Variants in HIRA observed in about 807,000 individuals in gnomAD.
HIRA encodes the protein histone cell cycle regulator, also known as protein HIRA.
HIRA carries 13 observed loss-of-function variants against 126.6 expected under a neutral mutation model. The ratio of observed to expected loss-of-function variants is 0.10; its 90% CI spans 0.07 to 0.16. The LOEUF (loss-of-function observed/expected upper bound fraction) is 0.16. Among genes scored for constraint, HIRA ranks in the 10% least tolerant of loss-of-function variants. The pLI is 1.00. For synonymous variants in HIRA, 511 were observed against 520.0 expected (o/e 0.98, Z 0.24); for missense variants, 834 against 1,314.4 (o/e 0.63, Z 5.65).
chr22:19,332,362 G>A (rs1215105577), intron 24 of HIRA, among the ~76,000 whole-genome samples: 4 of 152,226 alleles, frequency 2.6e-5, no homozygotes, highest in African/African-American at 4.8e-5. Context: ...ATAAGCAGGA[G>A]AATGGCTGCT....
At chr22:19,407,694 C>T (rs1462990714) in intron 3 of HIRA, among the ~76,000 whole-genome samples, 4 of 152,196 alleles carry the variant, frequency 2.6e-5, no homozygotes, top group Non-Finnish European at 5.9e-5. Context: ...TTCAGATGAA[C>T]AGTCTGTTAC....
At chr22:19,352,978 G>T (rs1459445789) in intron 23 of HIRA, among the ~76,000 whole-genome samples, 1 of 152,260 alleles carries the variant, frequency 6.6e-6, no homozygotes, top group Non-Finnish European at 1.5e-5. Context: ...GGGCAGGAAG[G>T]GCTGGGAGGA....
chr22:19,415,000 C>T (rs2089384332), intron 1 of HIRA, among the ~76,000 whole-genome samples: 1 of 152,084 alleles, frequency 6.6e-6, no homozygotes, highest in South Asian at 2.1e-4. Flanking sequence ...GGCTGGAGTG[C>T]AGTAACGCAA....
chr22:19,350,108 C>G (rs1304227452), intron 24 of HIRA, among the ~76,000 whole-genome samples: 6 of 151,994 alleles, frequency 3.9e-5, no homozygotes, highest in Non-Finnish European at 7.4e-5. Flanking sequence ...CATGAAATAG[C>G]AGCCTGCCAG....
intron 9 of HIRA, among the ~76,000 whole-genome samples, chr22:19,390,075 G>C (rs918642401): frequency 6.6e-6 from 1 of 151,924 alleles, no homozygotes; most frequent in East Asian, 1.9e-4. Context: ...TCAGCACCAA[G>C]ACTGCTCCCT....
intron 15 of HIRA, among the ~76,000 whole-genome samples, chr22:19,372,768 C>T (rs368955984): frequency 4.4e-4 from 67 of 152,096 alleles, no homozygotes; most frequent in African/African-American, 1.4e-3. Flanking sequence ...GATGGGGTTT[C>T]GCCATGTTGG....
At chr22:19,392,929 C>A (rs1219741649) in intron 8 of HIRA, among the ~76,000 whole-genome samples, 3 of 152,166 alleles carry the variant, frequency 2.0e-5, no homozygotes, top group African/African-American at 7.2e-5. Context: ...GAATCCCCAA[C>A]CTAGGACAAC....
At chr22:19,347,984 A>G (rs2088706663) in intron 24 of HIRA, among the ~76,000 whole-genome samples, 1 of 152,172 alleles carries the variant, frequency 6.6e-6, no homozygotes, top group Non-Finnish European at 1.5e-5. Context: ...GCCTAGGGGG[A>G]CCATAGCAGG....
rs770363362 is a variant in HIRA at position 19,392,114 on chromosome 22, G to A, written c.923C>T (p.Ser308Leu). The A allele has an allele frequency of 6.3e-7, 1 of 1,584,658 alleles. No individual in the cohort carries two copies. Among genetic ancestry groups the A allele is most frequent in the Non-Finnish European group, 8.6e-7 (1 of 1,156,936 alleles). The change falls in exon 9 of 25, where the codon TCG (serine) becomes TTG (leucine). Residue 308 changes from serine to leucine, a missense_variant. By Grantham distance (145) the Ser-to-Leu change is moderately radical. Transcript: ENST00000263208. ...CCCAVGSKDRSLSVWLTCLKR... is the reference protein window; with the variant it reads ...CCCAVGSKDRLLSVWLTCLKR... Reference sequence around the variant, plus strand: ...TAGCAGGCTCACCCAGACAGAAAGCGAGCGGTCCTTGCTGCCAACAGCACA... The same window carrying A: ...TAGCAGGCTCACCCAGACAGAAAGCAAGCGGTCCTTGCTGCCAACAGCACA...
intron 6 of HIRA, 89 bp from the exon 7 acceptor site, chr22:19,397,036 G>A (rs973798824): frequency 7.9e-7 from 1 of 1,257,892 alleles, no homozygotes; most frequent in East Asian, 2.3e-5. Flanking sequence ...TGCAAGAGAG[G>A]GGACTCAGCA....
At chr22:19,412,350 A>G (rs909414791) in intron 1 of HIRA, among the ~76,000 whole-genome samples, 2 of 152,242 alleles carry the variant, frequency 1.3e-5, no homozygotes, top group African/African-American at 4.8e-5. Context: ...CATAGAGCCA[A>G]GATGAGCTGA....
chr22:19,400,094 T>C (rs1177901801), intron 5 of HIRA, among the ~76,000 whole-genome samples: 1 of 152,228 alleles, frequency 6.6e-6, no homozygotes, highest in African/African-American at 2.4e-5. Flanking sequence ...CAGACACATA[T>C]AATGCAGCTA....
intron 5 of HIRA, among the ~76,000 whole-genome samples, chr22:19,403,332 G>A (rs554651600): frequency 5.3e-5 from 8 of 151,654 alleles, no homozygotes; most frequent in Admixed American, 1.3e-4. Context: ...TTTTCTGGCC[G>A]GTCATGGTGA....
rs992916136 is a variant in HIRA, at chr22:19,383,777, T to C, written c.1330-72A>G. ...TATTTCCAAATATTAAAAAATAAAG[T>C]CTCTTTTTTTCCTGGTGATAAGAAC... On this transcript the variant is annotated intron_variant, in intron 12 of 24. Coordinates refer to ENST00000263208, the MANE Select transcript of HIRA (RefSeq NM_003325.4). The C allele has an allele frequency of 1.3e-5, 16 of 1,189,134 alleles. No homozygotes were observed. The African/African-American group carries it at 1.7e-4, about 12-fold the overall frequency. The allele number at this position is 1,189,134 out of a possible 1,614,324, so 73.7% of individuals were successfully genotyped here.
chr22:19,396,441 A>G (rs5746733), intron 7 of HIRA, among the ~76,000 whole-genome samples: 41,210 of 152,134 alleles, frequency 0.27, 8,561 homozygotes, highest in African/African-American at 0.57. Flanking sequence ...GCTTGAACCC[A>G]GGAGGCGGAG....
intron 7 of HIRA, among the ~76,000 whole-genome samples, chr22:19,395,057 T>C (rs1244783730): frequency 6.6e-6 from 1 of 152,184 alleles, no homozygotes; most frequent in African/African-American, 2.4e-5. Flanking sequence ...GAGAAGAGGT[T>C]TGTAACATCC....
In HIRA at chr22:19,351,343, G is replaced by C; in HGVS notation, c.2937+15C>G. The C allele has an allele frequency of 6.3e-6, 10 of 1,584,104 alleles. No individual in the cohort carries two copies. Among genetic ancestry groups the C allele is most frequent in the Non-Finnish European group, 8.5e-6 (10 of 1,169,734 alleles). Reference sequence around the variant, plus strand: ...AAGAAAGAATTCTTGCAGCAACAATGAAAGAAGCACCTACCACTACTGTTG... The same window carrying C: ...AAGAAAGAATTCTTGCAGCAACAATCAAAGAAGCACCTACCACTACTGTTG... On this transcript the variant is annotated intron_variant, in intron 24 of 24. Transcript: ENST00000263208. This position sits in a 1 kb window ranked among gnomAD's most constrained non-coding sequence, Gnocchi z 4.8.
intron 5 of HIRA, among the ~76,000 whole-genome samples, chr22:19,398,513 C>T (rs2089241700): frequency 6.6e-6 from 1 of 152,208 alleles, no homozygotes. Flanking sequence ...AACTCCAGGG[C>T]TGCTGACAAC....
At chr22:19,350,678 T>C (rs885982) in intron 24 of HIRA, among the ~76,000 whole-genome samples, 147,410 of 152,052 alleles carry the variant, frequency 0.97, 71,530 homozygotes, top group African/African-American at 0.99. Flanking sequence ...GACACCTCTG[T>C]GCCAACTCTG....
Sources: gnomAD v4.1 joint callset for allele counts (sites outside exome capture counted in the v4.1 genomes callset) on GRCh38, gnomAD v4.1.1 for gene constraint, Gnocchi (gnomAD v3.1) non-coding constraint, MANE v1.5 for transcripts, NCBI Gene and HGNC (gene_info 2026-07-23, HGNC 2026-07-21) for gene names.